PLEKHA7: variants seen among roughly 807,000 people sequenced by gnomAD.
PLEKHA7 encodes pleckstrin homology domain containing A7.
Under a neutral mutation model 170.0 loss-of-function variants are expected in PLEKHA7, and 104 were observed. The observed-to-expected ratio is 0.61, with a 90% CI of 0.52 to 0.72. The LOEUF is 0.72. Ranked by LOEUF, PLEKHA7 falls within the 30% of genes least tolerant of loss-of-function variation. The pLI is 0.00. For synonymous variants in PLEKHA7, 648 were observed against 660.8 expected (o/e 0.98, Z 0.30); for missense variants, 1,615 against 1,671.7 (o/e 0.97, Z 0.59).
intron 3 of PLEKHA7, among the ~76,000 whole-genome samples, chr11:16,988,665 C>T (rs748980191): frequency 3.3e-4 from 50 of 151,964 alleles, no homozygotes; most frequent in Non-Finnish European, 6.5e-4. Context: ...CCAGGCTGGT[C>T]GAACTCCTGA....
rs965009315 is a variant in PLEKHA7 at position 16,962,805 on chromosome 11, G to A, written c.221+51184C>T. 5.3e-5 allele frequency among the ~76,000 whole-genome samples: 8 copies of A among 152,154 alleles called. 1 individual carries two copies. The highest frequency in any genetic ancestry group is 5.2e-4 in the Admixed American group (8 of 15,268). On this transcript the variant is annotated intron_variant, in intron 3 of 26. Transcript: ENST00000531066. ...TCCTTTGGCAGCCTCCCCTGAACTT[G>A]TGTTTCTAAGAATGTCTCATGTACC...
At chr11:16,997,772 C>T (rs997857893) in intron 3 of PLEKHA7, among the ~76,000 whole-genome samples, 3 of 152,218 alleles carry the variant, frequency 2.0e-5, no homozygotes, top group African/African-American at 4.8e-5. Flanking sequence ...CAGAAGGCCG[C>T]ATGCAGTTTG....
intron 23 of PLEKHA7, chr11:16,786,878 G>A: frequency 2.0e-6 from 2 of 985,402 alleles, no homozygotes; most frequent in Non-Finnish European, 2.4e-6. Context: ...ATTCGTAGGT[G>A]GGGGATCTCG....
In PLEKHA7 at chr11:16,846,549, A is replaced by G. The variant is rs1311293001; in HGVS notation, c.696+4642T>C. Among the ~76,000 whole-genome samples, 3 of 152,164 alleles carry G rather than the reference A, an allele frequency of 2.0e-5. No individual in the cohort carries two copies. In the East Asian group the frequency reaches 5.8e-4, roughly 29 times the overall value. On this transcript the variant is annotated intron_variant, in intron 8 of 26. Coordinates refer to ENST00000531066, the MANE Select transcript of PLEKHA7 (RefSeq NM_001329630.2). ...TATGGGTAAAAGTAGCATTTACCTT[A>G]TAAGGCCATGTGAGGATGAAATGAG...
chr11:16,991,458 T>C (rs1294247220), intron 3 of PLEKHA7, among the ~76,000 whole-genome samples: 1 of 150,840 alleles, frequency 6.6e-6, no homozygotes, highest in Non-Finnish European at 1.5e-5. Context: ...AGCACCGAGA[T>C]AATAGAGTGT....
At chr11:16,951,543 TA>T (rs1861408952) in intron 3 of PLEKHA7, among the ~76,000 whole-genome samples, 1 of 151,958 alleles carries the variant, frequency 6.6e-6, no homozygotes, top group Non-Finnish European at 1.5e-5. Flanking sequence ...AGATGATAAG[TA>T]AAAGAACTCA....
At chr11:16,782,717 C>T (rs760124098) in intron 26 of PLEKHA7, 37 bp downstream of exon 26, 2 of 1,533,180 alleles carry the variant, frequency 1.3e-6, no homozygotes, top group South Asian at 2.4e-5. Flanking sequence ...TGCAGTGGGG[C>T]AGGATCCAGG....
intron 3 of PLEKHA7, among the ~76,000 whole-genome samples, chr11:16,992,095 G>A (rs886459368): frequency 6.6e-6 from 1 of 152,082 alleles, no homozygotes; most frequent in African/African-American, 2.4e-5. Context: ...GCCTGGGCAT[G>A]CAGGTCTGGG....
intron 3 of PLEKHA7, among the ~76,000 whole-genome samples, chr11:16,873,936 G>C (rs922311091): frequency 2.6e-5 from 4 of 152,072 alleles, no homozygotes; most frequent in Non-Finnish European, 5.9e-5. Context: ...CAAAGTGCTG[G>C]GATTACAGGC....
chr11:16,847,842 CAAAAAAA>C (rs35191685), intron 8 of PLEKHA7, among the ~76,000 whole-genome samples: 7 of 101,440 alleles, frequency 6.9e-5, no homozygotes, highest in East Asian at 2.7e-4. Context: ...AATTCTGTCT[CAAAAAAA>C]AAAAAAAAAA....
In PLEKHA7 at chr11:16,803,420, G is replaced by A. The variant is rs1848737868; in HGVS notation, c.2008-125C>T. On this transcript the variant is annotated intron_variant, in intron 13 of 26. Coordinates refer to ENST00000531066, the MANE Select transcript of PLEKHA7 (RefSeq NM_001329630.2). ...GCAGTGGCAGGTAGGGTCATAGTAT[G>A]AGAGGGACAAAAACTTGGGCCATAC... 4 of 968,488 alleles carry A rather than the reference G, an allele frequency of 4.1e-6. 1 individual carries two copies. Among genetic ancestry groups the A allele is most frequent in the Non-Finnish European group, 6.2e-6 (4 of 640,652 alleles). 60.0% of individuals were successfully genotyped at this position (968,488 alleles called of 1,614,324 possible).
chr11:16,994,051 C>T (rs1452598627), intron 3 of PLEKHA7, among the ~76,000 whole-genome samples: 3 of 152,216 alleles, frequency 2.0e-5, no homozygotes, highest in East Asian at 1.9e-4. Flanking sequence ...CAACTGGGGA[C>T]GATACACACA....
At chr11:16,936,982 C>G (rs1178995051) in intron 3 of PLEKHA7, among the ~76,000 whole-genome samples, 1 of 152,222 alleles carries the variant, frequency 6.6e-6, no homozygotes, top group African/African-American at 2.4e-5. Flanking sequence ...CTGTTTCCCT[C>G]CCCCTGAGCC....
At chr11:16,976,930 C>T (rs758462653) in intron 3 of PLEKHA7, among the ~76,000 whole-genome samples, 1 of 152,210 alleles carries the variant, frequency 6.6e-6, no homozygotes, top group African/African-American at 2.4e-5. Flanking sequence ...GCCATTCAAG[C>T]TGAGCACCTG....
rs543009628 is a variant in PLEKHA7 at position 16,893,323 on chromosome 11, T to C, written c.222-22141A>G. ...TACCCTACTGTGGGCATTTAGTTTG[T>C]TCAAGGTAAACAATAATACCAAGCA... On this transcript the variant is annotated intron_variant, in intron 3 of 26. Coordinates refer to ENST00000531066, the MANE Select transcript of PLEKHA7 (RefSeq NM_001329630.2). Among the ~76,000 whole-genome samples the C allele has an allele frequency of 2.6e-5, 4 of 152,286 alleles. No individual in the cohort carries two copies. The South Asian group carries it at 6.2e-4, about 24-fold the overall frequency.
In PLEKHA7 at chr11:17,014,197, G is replaced by A; in HGVS notation, c.91C>T (p.Gln31Ter). Residue 31 changes from glutamine to a stop codon, truncating the protein, a stop_gained, in exon 2 of 27, where the codon CAG becomes TAG. Transcript: ENST00000531066. LOFTEE classifies it high-confidence loss of function. ...TGCAGCCAGGTCGTGCAGCGGAGCT[G>A]GTCACTGCGGGCAGAGAGGTGCACC... ...RDGRVFFINDQLRCTTWLHPR... is the reference protein window; with the variant it reads ...RDGRVFFIND The A allele has an allele frequency of 1.9e-6, 3 of 1,588,138 alleles. No homozygotes were observed. The highest frequency in any genetic ancestry group is 2.6e-6 in the Non-Finnish European group (3 of 1,169,820).
intron 3 of PLEKHA7, among the ~76,000 whole-genome samples, chr11:16,893,784 C>A (rs1428276692): frequency 6.6e-6 from 1 of 152,228 alleles, no homozygotes. Flanking sequence ...GCACACAGAT[C>A]TGAGGGCCAG....
intron 3 of PLEKHA7, among the ~76,000 whole-genome samples, chr11:16,944,368 C>T (rs1239218961): frequency 4.0e-5 from 6 of 151,318 alleles, no homozygotes; most frequent in African/African-American, 9.7e-5. Context: ...AAAAATAAGC[C>T]GGGCGCGGTG....
intron 3 of PLEKHA7, 151 bp from the exon 4 acceptor site, chr11:16,871,333 G>T: frequency 1.7e-6 from 1 of 592,670 alleles, no homozygotes; most frequent in Non-Finnish European, 3.0e-6. Flanking sequence ...CACTTAGTCT[G>T]TCAGAACCCC....
Sources: gnomAD v4.1 joint callset for allele counts (sites outside exome capture counted in the v4.1 genomes callset) on GRCh38, gnomAD v4.1.1 for gene constraint, MANE v1.5 for transcripts, NCBI Gene and HGNC (gene_info 2026-07-23, HGNC 2026-07-21) for gene names.